Variants in NUMB observed in about 807,000 individuals in gnomAD.
NUMB encodes the protein protein numb homolog.
NUMB carries 29 observed loss-of-function variants against 59.7 expected under a neutral mutation model. The observed-to-expected ratio is 0.49, with a 90% CI of 0.36 to 0.66. The LOEUF (loss-of-function observed/expected upper bound fraction) is 0.66. Ranked by LOEUF, NUMB falls within the 30% of genes least tolerant of loss-of-function variation. The probability of loss-of-function intolerance (pLI) is 0.00; values close to 1 mark genes in which losing one functional copy is unlikely to be tolerated. For missense variants in NUMB, 723 were observed against 822.0 expected, an observed-to-expected ratio of 0.88 and a Z score of 1.47; for synonymous variants, 288 against 288.2, an observed-to-expected ratio of 1.00 and a Z score of 0.01.
rs148104902 is a variant in NUMB, at chr14:73,311,650, C to T, written c.234+4740G>A. ...CAATTCTTCTATCTACTTACTTTCA[C>T]GTAAAAGTGTTTAATAAAAACACTT... On this transcript the variant is annotated intron_variant, in intron 6 of 12. Coordinates refer to ENST00000555238, the MANE Select transcript of NUMB (RefSeq NM_001005743.2). 6.4e-4 allele frequency among the ~76,000 whole-genome samples: 98 copies of T among 152,266 alleles called. 1 individual carries two copies. The highest frequency in any genetic ancestry group is 9.4e-4 in the African/African-American group (39 of 41,550).
chr14:73,307,966 C>T (rs903060297), intron 6 of NUMB, among the ~76,000 whole-genome samples: 3 of 151,964 alleles, frequency 2.0e-5, no homozygotes, highest in Non-Finnish European at 2.9e-5. Flanking sequence ...ATCTCCTGAC[C>T]TCGTGATCCG....
chr14:73,351,601 G>GA (rs1169467097), intron 4 of NUMB, among the ~76,000 whole-genome samples: 1 of 152,180 alleles, frequency 6.6e-6, no homozygotes, highest in African/African-American at 2.4e-5. Flanking sequence ...TTGGGAAGAT[G>GA]AAAAAGTTCT....
chr14:73,429,700 T>C (rs1001127700), intron 1 of NUMB, among the ~76,000 whole-genome samples: 7 of 152,050 alleles, frequency 4.6e-5, no homozygotes, highest in Non-Finnish European at 7.4e-5. Context: ...CCCAGCACTT[T>C]GGGAGGCTGA....
chr14:73,447,072 G>A (rs1345505688), intron 1 of NUMB, among the ~76,000 whole-genome samples: 1 of 148,850 alleles, frequency 6.7e-6, no homozygotes, highest in Non-Finnish European at 1.5e-5. Flanking sequence ...TGTAGTCCCA[G>A]CTACTCGGGG....
chr14:73,336,859 AT>A (rs1440731294), intron 4 of NUMB, among the ~76,000 whole-genome samples: 2 of 152,232 alleles, frequency 1.3e-5, no homozygotes, highest in African/African-American at 4.8e-5. Context: ...AGCTGAGTTT[AT>A]TTCAGGAATG....
chr14:73,290,592 C>T (rs1422247583), intron 8 of NUMB, among the ~76,000 whole-genome samples: 1 of 152,232 alleles, frequency 6.6e-6, no homozygotes, highest in Non-Finnish European at 1.5e-5. Flanking sequence ...CACTACTTAT[C>T]TTCCAGATTA....
intron 7 of NUMB, 112 bp downstream of exon 7, chr14:73,297,099 G>A (rs1200057221): frequency 1.6e-6 from 1 of 641,390 alleles, no homozygotes; most frequent in Non-Finnish European, 2.7e-6. Flanking sequence ...CCTGGGAGGT[G>A]GAGGTTGCGG....
At chr14:73,352,475 CACATATATAT>C (rs1893398621) in intron 4 of NUMB, among the ~76,000 whole-genome samples, 3 of 13,734 alleles carry the variant, frequency 2.2e-4, no homozygotes, top group Non-Finnish European at 2.9e-4. Flanking sequence ...CACACACACA[CACATATATAT>C]ATATATATAT....
At chr14:73,441,866 C>T (rs1179657524) in intron 1 of NUMB, among the ~76,000 whole-genome samples, 1 of 151,964 alleles carries the variant, frequency 6.6e-6, no homozygotes, top group Non-Finnish European at 1.5e-5. Context: ...GACCAAAATT[C>T]TGTCTCAAAA....
chr14:73,451,075 A>G (rs2140208642), intron 1 of NUMB, among the ~76,000 whole-genome samples: 1 of 140,014 alleles, frequency 7.1e-6, no homozygotes, highest in African/African-American at 2.7e-5. Flanking sequence ...AATTGCTTGA[A>G]CCCAGGAGGC....
chr14:73,431,244 C>T (rs1236161838), intron 1 of NUMB, among the ~76,000 whole-genome samples: 3 of 149,088 alleles, frequency 2.0e-5, no homozygotes, highest in Admixed American at 6.7e-5. Flanking sequence ...CATGAGCCAC[C>T]GCACTTGGCT....
chr14:73,276,883 G>A lies in NUMB; in HGVS notation c.1651C>T (p.His551Tyr). 6.2e-7 allele frequency: 1 copy of A among 1,614,014 alleles called. No individual in the cohort carries two copies. The highest frequency in any genetic ancestry group is 8.5e-7 in the Non-Finnish European group (1 of 1,179,930). ...TAGHPQAAHP[H>Y]QSPSLVRQQT... Reference sequence around the variant, plus strand: ...TGCCTGACCAGGCTGGGTGACTGATGGGGATGGGCAGCCTGAGGGTGGCCT... The same window carrying A: ...TGCCTGACCAGGCTGGGTGACTGATAGGGATGGGCAGCCTGAGGGTGGCCT... The change falls in exon 13 of 13, where the codon CAT becomes TAT. Residue 551 changes from histidine (H) to tyrosine (Y), a missense_variant. By Grantham distance (83) the His-to-Tyr change is moderately conservative (BLOSUM62 2). Coordinates refer to ENST00000555238, the MANE Select transcript of NUMB (RefSeq NM_001005743.2).
intron 8 of NUMB, 77 bp downstream of exon 8, chr14:73,292,657 C>T (rs759538043): frequency 2.3e-4 from 347 of 1,476,742 alleles, no homozygotes; most frequent in Admixed American, 5.9e-4. Flanking sequence ...TAGTAGAAAC[C>T]GCTTGGCTGA....
intron 7 of NUMB, among the ~76,000 whole-genome samples, chr14:73,294,071 T>C (rs1425709676): frequency 6.6e-6 from 1 of 152,240 alleles, no homozygotes; most frequent in African/African-American, 2.4e-5. Flanking sequence ...ATTGTAGTCA[T>C]TGTGAATGTT....
chr14:73,309,667 T>C (rs369475468), intron 6 of NUMB, among the ~76,000 whole-genome samples: 1 of 151,200 alleles, frequency 6.6e-6, no homozygotes, highest in African/African-American at 2.4e-5. Flanking sequence ...GGCACATGTA[T>C]AACTATGTAA....
At chr14:73,335,304 A>T (rs1473033191) in intron 4 of NUMB, among the ~76,000 whole-genome samples, 2 of 10,840 alleles carry the variant, frequency 1.8e-4, no homozygotes, top group African/African-American at 6.6e-4. Flanking sequence ...CAAAAAGACA[A>T]AAAAAAAAAA....
At chr14:73,389,284 AAAAAAAAAACAAAAAC>A (rs1425643226) in intron 2 of NUMB, among the ~76,000 whole-genome samples, 2 of 101,340 alleles carry the variant, frequency 2.0e-5, no homozygotes, top group African/African-American at 9.8e-5. Context: ...AAAAAAAAAA[AAAAAAAAAACAAAAAC>A]AAAAACACTG....
chr14:73,353,858 G>C (rs1893617644), intron 4 of NUMB, among the ~76,000 whole-genome samples: 1 of 151,888 alleles, frequency 6.6e-6, no homozygotes, highest in African/African-American at 2.4e-5. Context: ...CAACTGTATG[G>C]TGGGGGAGAT....
At chr14:73,438,742 T>C (rs1205830421) in intron 1 of NUMB, among the ~76,000 whole-genome samples, 1 of 151,722 alleles carries the variant, frequency 6.6e-6, no homozygotes, top group Non-Finnish European at 1.5e-5. Context: ...TAGTAAAATA[T>C]GCACGAAGAA....
Sources: allele counts gnomAD v4.1 joint callset (sites outside exome capture counted in the v4.1 genomes callset), GRCh38; gene constraint gnomAD v4.1.1; transcripts MANE v1.5; gene names NCBI Gene and HGNC (gene_info 2026-07-23, HGNC 2026-07-21).